NAV2: variants seen among roughly 807,000 people sequenced by gnomAD.
NAV2 encodes neuron navigator 2, also known as helicase, APC down-regulated 1.
In NAV2, 54 loss-of-function variants were observed where a neutral mutation model predicts 223.2. The observed-to-expected ratio is 0.24, with a 90% CI of 0.19 to 0.30. The LOEUF is 0.30. Among genes scored for constraint, NAV2 ranks in the 10% least tolerant of loss-of-function variants. The probability of loss-of-function intolerance (pLI) is 1.00; values close to 1 mark genes in which losing one functional copy is unlikely to be tolerated. For synonymous variants in NAV2, 1,279 were observed against 1,239.3 expected (o/e 1.03, Z -0.67); for missense variants, 2,806 against 3,147.5 (o/e 0.89, Z 2.60).
chr11:19,671,673 A>G (rs1249290722), intron 1 of NAV2, among the ~76,000 whole-genome samples: 7 of 152,234 alleles, frequency 4.6e-5, no homozygotes. Flanking sequence ...GGGCAAGATC[A>G]TAAATGTTTC....
At chr11:20,084,544 T>C (rs926157337) in intron 26 of NAV2, among the ~76,000 whole-genome samples, 2 of 152,156 alleles carry the variant, frequency 1.3e-5, no homozygotes, top group African/African-American at 4.8e-5. Context: ...TTCCTACTGC[T>C]ATGGGTGAGG....
At chr11:19,366,235 C>T (rs774002194) in intron 1 of NAV2, among the ~76,000 whole-genome samples, 3 of 152,144 alleles carry the variant, frequency 2.0e-5, no homozygotes, top group African/African-American at 4.8e-5. Flanking sequence ...CAGGGTGGCT[C>T]CTGGCTCCTA....
intron 37 of NAV2, among the ~76,000 whole-genome samples, chr11:20,117,217 TA>T (rs1280979281): frequency 6.8e-6 from 1 of 146,478 alleles, no homozygotes; most frequent in African/African-American, 2.6e-5. Context: ...AAGTAGTTTT[TA>T]TTCCCTCTCC....
intron 1 of NAV2, among the ~76,000 whole-genome samples, chr11:19,778,525 C>CA (rs535973814): frequency 2.1e-4 from 32 of 151,104 alleles, no homozygotes; most frequent in East Asian, 7.8e-4. Context: ...AAACAAAACA[C>CA]AAAAAAAACA....
At chr11:19,665,954 C>T (rs916095777) in intron 1 of NAV2, among the ~76,000 whole-genome samples, 4 of 152,184 alleles carry the variant, frequency 2.6e-5, no homozygotes, top group Non-Finnish European at 4.4e-5. Context: ...TCATCATCAT[C>T]GTCATCACTA....
chr11:19,922,506 G>A (rs1369328182), intron 6 of NAV2, among the ~76,000 whole-genome samples: 2 of 152,102 alleles, frequency 1.3e-5, no homozygotes, highest in Non-Finnish European at 1.5e-5. Flanking sequence ...TTTGAACTTC[G>A]GTATCTATTA....
At chr11:19,940,223 A>T (rs1310396304) in intron 8 of NAV2, among the ~76,000 whole-genome samples, 1 of 152,264 alleles carries the variant, frequency 6.6e-6, no homozygotes, top group South Asian at 2.1e-4. Flanking sequence ...TTGGGGGGGA[A>T]AATTGTAACA....
intron 8 of NAV2, among the ~76,000 whole-genome samples, chr11:19,945,240 G>T (rs2046841972): frequency 8.2e-6 from 1 of 121,470 alleles, no homozygotes. Flanking sequence ...TTCTTGGCTG[G>T]CTGGCTTTCT....
intron 1 of NAV2, among the ~76,000 whole-genome samples, chr11:19,622,444 A>G (rs541620172): frequency 2.4e-4 from 36 of 152,284 alleles, no homozygotes; most frequent in African/African-American, 8.4e-4. Context: ...GTGCTCCTGT[A>G]TTGGGTTGGT....
At chr11:19,428,112 G>A (rs1467291453) in intron 1 of NAV2, among the ~76,000 whole-genome samples, 1 of 151,960 alleles carries the variant, frequency 6.6e-6, no homozygotes, top group Non-Finnish European at 1.5e-5. Flanking sequence ...CTATTATAAT[G>A]GGTTTTACAA....
chr11:19,914,489 T>A (rs545446937), intron 6 of NAV2, among the ~76,000 whole-genome samples: 1 of 152,202 alleles, frequency 6.6e-6, no homozygotes, highest in African/African-American at 2.4e-5. Context: ...CTTGGAGGGG[T>A]TATACGATTG....
At chr11:19,917,799 A>G (rs2043931284) in intron 6 of NAV2, among the ~76,000 whole-genome samples, 1 of 152,208 alleles carries the variant, frequency 6.6e-6, no homozygotes, top group South Asian at 2.1e-4. Flanking sequence ...TTTAGTAGAC[A>G]CAGGGTTTCG....
At chr11:20,015,930 T>A (rs1431046265) in intron 11 of NAV2, among the ~76,000 whole-genome samples, 1 of 152,218 alleles carries the variant, frequency 6.6e-6, no homozygotes, top group Non-Finnish European at 1.5e-5. Flanking sequence ...TTCACTCCTC[T>A]AATGCCGTGT....
intron 6 of NAV2, among the ~76,000 whole-genome samples, chr11:19,915,915 A>G (rs1245906486): frequency 2.0e-5 from 3 of 152,196 alleles, no homozygotes; most frequent in Non-Finnish European, 4.4e-5. Flanking sequence ...CTATAGAGTA[A>G]TTATTTACAG....
At chr11:19,416,375 A>G (rs1850369813) in intron 1 of NAV2, among the ~76,000 whole-genome samples, 1 of 152,212 alleles carries the variant, frequency 6.6e-6, no homozygotes, top group South Asian at 2.1e-4. Context: ...ATACCTAGGA[A>G]TAAAACTTAC....
intron 1 of NAV2, among the ~76,000 whole-genome samples, chr11:19,821,004 TG>T (rs1332145057): frequency 2.6e-5 from 4 of 152,208 alleles, no homozygotes; most frequent in African/African-American, 9.6e-5. Context: ...GGCTCACGCC[TG>T]TAATCCCAGC....
chr11:19,445,232 C>T (rs1851541380), intron 1 of NAV2, among the ~76,000 whole-genome samples: 1 of 152,146 alleles, frequency 6.6e-6, no homozygotes, highest in South Asian at 2.1e-4. Context: ...ACAGGGCCCC[C>T]TTTGAATTTG....
At chr11:20,078,292 A>G (rs1029297015) in intron 24 of NAV2, among the ~76,000 whole-genome samples, 188 bp downstream of exon 24, 1 of 152,246 alleles carries the variant, frequency 6.6e-6, no homozygotes, top group Non-Finnish European at 1.5e-5. Context: ...AAAGATGGCT[A>G]TGGTAGTTCA....
intron 1 of NAV2, among the ~76,000 whole-genome samples, chr11:19,584,646 C>G (rs1460108229): frequency 2.6e-5 from 4 of 152,164 alleles, no homozygotes; most frequent in African/African-American, 9.7e-5. Context: ...ACCCAGTAGT[C>G]GTTCAGGAGC....
Sources: gnomAD v4.1 joint callset for allele counts (sites outside exome capture counted in the v4.1 genomes callset) on GRCh38, gnomAD v4.1.1 for gene constraint, MANE v1.5 for transcripts, NCBI Gene and HGNC (gene_info 2026-07-23, HGNC 2026-07-21) for gene names.